The following ZDHHC23 variants were observed in gnomAD, a reference collection of about 807,000 sequenced individuals.
ZDHHC23 encodes zDHHC palmitoyltransferase 23.
In ZDHHC23, 41 loss-of-function variants were observed where a neutral mutation model predicts 40.2. That is an observed-to-expected ratio of 1.02 (90% CI 0.79 to 1.32). ZDHHC23 has a LOEUF of 1.32. Among genes scored for constraint, ZDHHC23 ranks in the 40% most tolerant of loss-of-function variants. ZDHHC23 has a pLI of 0.00. For missense variants in ZDHHC23, 471 were observed against 541.5 expected, an observed-to-expected ratio of 0.87 and a Z score of 1.29; for synonymous variants, 204 against 210.2, an observed-to-expected ratio of 0.97 and a Z score of 0.26.
chr3:113,951,340 T>C (rs1172297925), intron 2 of ZDHHC23, among the ~76,000 whole-genome samples: 1 of 152,126 alleles, frequency 6.6e-6, no homozygotes, highest in Non-Finnish European at 1.5e-5. Flanking sequence ...AGGGCATCCT[T>C]TGAAGTCTAG....
At chr3:113,951,842 A>G (rs995011676) in intron 2 of ZDHHC23, among the ~76,000 whole-genome samples, 3 of 152,116 alleles carry the variant, frequency 2.0e-5, no homozygotes, top group African/African-American at 7.2e-5. Context: ...TTTGTCTTTA[A>G]ATTATTTCTC....
chr3:113,969,111 T>G (rs528142914), downstream of ZDHHC23, among the ~76,000 whole-genome samples: 9 of 152,048 alleles, frequency 5.9e-5, no homozygotes, highest in South Asian at 1.7e-3. Context: ...ACTAATAGAG[T>G]GAGAATGCAC....
In ZDHHC23 at chr3:113,954,040, C is replaced by T. The variant is rs995775295; in HGVS notation, c.502C>T (p.Pro168Ser). The T allele has an allele frequency of 4.3e-6, 7 of 1,614,136 alleles. No homozygotes were observed. The highest frequency in any genetic ancestry group is 2.7e-5 in the African/African-American group (2 of 75,002). Residue 168 changes from proline (P) to serine (S), a missense_variant, in exon 3 of 5, where the codon CCC becomes TCC. Physicochemically the swap from Pro to Ser is moderately conservative, Grantham distance 74. Transcript: ENST00000638807. ...QEVVPKGRVG[P>S]VQLAVLTCGL... ...AGTGGTCCCCAAAGGGCGTGTGGGT[C>T]CCGTTCAGCTGGCGGTTCTTACCTG...
chr3:113,979,081 G>T, the ZDHHC23 span: 17 of 1,403,292 alleles, frequency 1.2e-5, no homozygotes, highest in South Asian at 2.1e-4. Context: ...CATCACCTTT[G>T]GAAATGATGC....
chr3:113,956,758 A>G (rs1939261186), intron 4 of ZDHHC23, among the ~76,000 whole-genome samples: 1 of 151,474 alleles, frequency 6.6e-6, no homozygotes, highest in South Asian at 2.1e-4. Context: ...AGGCCTAATC[A>G]GGGACTTCCA....
chr3:113,972,121 T>G, the ZDHHC23 span, among the ~76,000 whole-genome samples: 1 of 151,992 alleles, frequency 6.6e-6, no homozygotes, highest in African/African-American at 2.4e-5. Flanking sequence ...TAATTTGGGG[T>G]TTGGTTTGTT....
downstream of ZDHHC23, among the ~76,000 whole-genome samples, chr3:113,967,561 T>C (rs2107550393): frequency 6.6e-6 from 1 of 152,338 alleles, no homozygotes; most frequent in South Asian, 2.1e-4. Flanking sequence ...TTTTATACAT[T>C]CATGTAATGT....
At chr3:113,979,139 G>T in the ZDHHC23 span, 2 of 815,110 alleles carry the variant, frequency 2.5e-6, no homozygotes, top group East Asian at 2.7e-5. Flanking sequence ...GAAGGTACAT[G>T]CAGCCTGTGT....
chr3:113,978,496 T>C, the ZDHHC23 span: 3 of 692,588 alleles, frequency 4.3e-6, no homozygotes, highest in Admixed American at 2.9e-5. Flanking sequence ...TCCTCTATAA[T>C]GTATCCTAAA....
At chr3:113,969,462 T>C (rs1940578669), downstream of ZDHHC23, among the ~76,000 whole-genome samples, 1 of 152,206 alleles carries the variant, frequency 6.6e-6, no homozygotes, top group African/African-American at 2.4e-5. Context: ...TGTTTTCTTC[T>C]AGTAGTCTCA....
chr3:113,978,015 G>C, the ZDHHC23 span, among the ~76,000 whole-genome samples: 1 of 152,180 alleles, frequency 6.6e-6, no homozygotes, highest in Non-Finnish European at 1.5e-5. Context: ...GAACCCTGGA[G>C]TCCCAGGGGG....
At position 113,960,633 on chromosome 3, in the gene ZDHHC23, G is replaced by C. The variant is rs1221837447; in HGVS notation, c.*2003G>C. 1 of 1,587,336 alleles carries C rather than the reference G, an allele frequency of 6.3e-7. No homozygotes were observed. Among genetic ancestry groups the C allele is most frequent in the Admixed American group, 1.9e-5 (1 of 52,956 alleles). On this transcript the variant is annotated 3_prime_UTR_variant, in exon 5 of 5. Transcript: ENST00000638807. Reference sequence around the variant, plus strand: ...ACAACATCTAAATGTAATGTGATGTGATGAAGATAAGTAGTACAAAGAGAC... The same window carrying C: ...ACAACATCTAAATGTAATGTGATGTCATGAAGATAAGTAGTACAAAGAGAC...
At chr3:113,953,291 G>A (rs1938857601) in intron 2 of ZDHHC23, among the ~76,000 whole-genome samples, 1 of 152,202 alleles carries the variant, frequency 6.6e-6, no homozygotes, top group Admixed American at 6.5e-5. Flanking sequence ...ATGCTAGTCT[G>A]AGCACTCCTT....
chr3:113,958,208 G>T (rs1256024196), intron 4 of ZDHHC23, among the ~76,000 whole-genome samples, 155 bp from the exon 5 acceptor site: 1 of 152,194 alleles, frequency 6.6e-6, no homozygotes, highest in Non-Finnish European at 1.5e-5. Flanking sequence ...ACTTAAGCAG[G>T]TTATTGGCAT....
downstream of ZDHHC23, among the ~76,000 whole-genome samples, chr3:113,968,534 C>T (rs767533597): frequency 2.0e-5 from 3 of 151,654 alleles, no homozygotes; most frequent in Non-Finnish European, 2.9e-5. Flanking sequence ...CTTCTACCTT[C>T]ACCTCCTGGA....
chr3:113,959,250 A>G lies in ZDHHC23; in HGVS notation c.*620A>G. Reference sequence around the variant, plus strand: ...TTAGGGTAATCAGTTTTCAGCATATACCTTGTTGTACAGTTATGAGAATTT... The same window carrying G: ...TTAGGGTAATCAGTTTTCAGCATATGCCTTGTTGTACAGTTATGAGAATTT... On this transcript the variant is annotated 3_prime_UTR_variant, in exon 5 of 5. Coordinates refer to ENST00000638807, the MANE Select transcript of ZDHHC23 (RefSeq NM_001320466.2). 1 of 1,078,452 alleles carries G rather than the reference A, an allele frequency of 9.3e-7. No individual in the cohort carries two copies. The highest frequency in any genetic ancestry group is 6.2e-5 in the East Asian group (1 of 16,004). The allele number at this position is 1,078,452 out of a possible 1,614,324, so 66.8% of individuals were successfully genotyped here.
At chr3:113,965,083 G>A, downstream of ZDHHC23, 2 of 822,790 alleles carry the variant, frequency 2.4e-6, no homozygotes, top group Non-Finnish European at 3.8e-6. Flanking sequence ...GTATGTATGT[G>A]TGTGGGTGGG....
chr3:113,958,113 A>G (rs1025530547), intron 4 of ZDHHC23, among the ~76,000 whole-genome samples: 6 of 152,148 alleles, frequency 3.9e-5, no homozygotes, highest in Admixed American at 2.6e-4. Context: ...AGGGTACAAA[A>G]TGCAAAAAAC....
At chr3:113,947,957 G>C (rs1938239386), upstream of ZDHHC23, 1 of 148,698 alleles carries the variant, frequency 6.7e-6, no homozygotes, top group South Asian at 2.1e-4. Flanking sequence ...GCGGAGGGGC[G>C]GTTGGGACGG....
Sources: gnomAD v4.1 joint callset for allele counts (sites outside exome capture counted in the v4.1 genomes callset) on GRCh38, gnomAD v4.1.1 for gene constraint, MANE v1.5 for transcripts, NCBI Gene and HGNC (gene_info 2026-07-23, HGNC 2026-07-21) for gene names.